Variants in GPLD1 observed in about 807,000 individuals in gnomAD.
GPLD1 encodes glycosylphosphatidylinositol specific phospholipase D1, also known as phosphatidylinositol-glycan-specific phospholipase D.
Under a neutral mutation model 112.6 loss-of-function variants are expected in GPLD1, and 84 were observed. The observed-to-expected ratio is 0.75, with a 90% CI of 0.63 to 0.89. The LOEUF (loss-of-function observed/expected upper bound fraction) is 0.89. Ranked by LOEUF, GPLD1 falls within the 40% of genes least tolerant of loss-of-function variation. The pLI is 0.00. For missense variants in GPLD1, 1,044 were observed against 1,051.5 expected, an observed-to-expected ratio of 0.99 and a Z score of 0.10; for synonymous variants, 386 against 403.8, an observed-to-expected ratio of 0.96 and a Z score of 0.53.
At chr6:24,486,833 C>CT (rs1764393141) in intron 1 of GPLD1, among the ~76,000 whole-genome samples, 2 of 151,544 alleles carry the variant, frequency 1.3e-5, no homozygotes, top group Non-Finnish European at 2.9e-5. Flanking sequence ...AAAAAAGAAA[C>CT]TGTCATCATA....
intron 10 of GPLD1, among the ~76,000 whole-genome samples, chr6:24,463,044 C>G (rs538951182): frequency 1.5e-3 from 228 of 152,296 alleles, no homozygotes; most frequent in African/African-American, 4.9e-3. Context: ...CTTCCCTCCC[C>G]GCTCCACCTG....
intron 14 of GPLD1, among the ~76,000 whole-genome samples, chr6:24,452,450 A>T (rs1484422907): frequency 6.6e-6 from 1 of 152,182 alleles, no homozygotes; most frequent in African/African-American, 2.4e-5. Context: ...AGCCTAAACT[A>T]GATCATAAAT....
intron 13 of GPLD1, 121 bp from the exon 14 acceptor site, chr6:24,454,322 G>A: frequency 3.4e-6 from 2 of 580,260 alleles, no homozygotes; most frequent in Non-Finnish European, 2.9e-6. Context: ...TTTCCACCCT[G>A]CGTGACTGTT....
intron 2 of GPLD1, among the ~76,000 whole-genome samples, chr6:24,485,265 T>C (rs1050064476): frequency 1.3e-5 from 2 of 152,188 alleles, no homozygotes; most frequent in African/African-American, 4.8e-5. Context: ...GGGCCAGGCA[T>C]AGTGGCTCAT....
chr6:24,452,867 G>C (rs1051384801), intron 14 of GPLD1, among the ~76,000 whole-genome samples: 2 of 151,862 alleles, frequency 1.3e-5, no homozygotes, highest in African/African-American at 4.8e-5. Flanking sequence ...GCCTTGCCTG[G>C]AACAAGAACC....
At chr6:24,432,710 AGAT>A (rs1373899391) in intron 24 of GPLD1, among the ~76,000 whole-genome samples, 12 of 152,258 alleles carry the variant, frequency 7.9e-5, no homozygotes, top group African/African-American at 2.9e-4. Context: ...GAGAACAGGC[AGAT>A]AATAATACTT....
chr6:24,485,201 G>C (rs7766290), intron 2 of GPLD1, among the ~76,000 whole-genome samples: 1 of 151,930 alleles, frequency 6.6e-6, no homozygotes, highest in Non-Finnish European at 1.5e-5. Flanking sequence ...ACAAGAAGTG[G>C]AAAATAAATG....
rs758391680 is a variant in GPLD1 at position 24,437,121 on chromosome 6, T to TA, written c.2188_2189insT (p.Asp730ValfsTer5). Reference sequence around the variant, plus strand: ...TCCTGTTCCTTTCTTACCTAAGCCATCATCATCCAGGTCACTCAAGTGCAG... The same window carrying TA: ...TCCTGTTCCTTTCTTACCTAAGCCATACATCATCCAGGTCACTCAAGTGCAG... On this transcript the variant is annotated frameshift_variant, in exon 21 of 25. Coordinates refer to ENST00000230036, the MANE Select transcript of GPLD1 (RefSeq NM_001503.4). LOFTEE classifies it high-confidence loss of function. 5 of 1,613,880 alleles carry TA rather than the reference T, an allele frequency of 3.1e-6. No homozygotes were observed. Among genetic ancestry groups the TA allele is most frequent in the Non-Finnish European group, 4.2e-6 (5 of 1,179,856 alleles).
At chr6:24,458,672 A>T (rs532497303) in intron 12 of GPLD1, among the ~76,000 whole-genome samples, 2 of 152,290 alleles carry the variant, frequency 1.3e-5, no homozygotes, top group East Asian at 3.9e-4. Context: ...TAAGGTCAGG[A>T]GTTCAAGACC....
At chr6:24,480,360 C>T (rs529739374) in intron 2 of GPLD1, among the ~76,000 whole-genome samples, 1 of 152,220 alleles carries the variant, frequency 6.6e-6, no homozygotes, top group East Asian at 1.9e-4. Flanking sequence ...TGGAGTTTTG[C>T]TCTTTTCACC....
intron 14 of GPLD1, among the ~76,000 whole-genome samples, chr6:24,451,978 A>C (rs867124682): frequency 1.3e-5 from 2 of 152,196 alleles, no homozygotes; most frequent in Non-Finnish European, 2.9e-5. Flanking sequence ...CAGAACTTTA[A>C]AGCAGGCCAG....
At chr6:24,486,879 C>G (rs984406822) in intron 1 of GPLD1, among the ~76,000 whole-genome samples, 2 of 151,840 alleles carry the variant, frequency 1.3e-5, no homozygotes, top group African/African-American at 4.8e-5. Flanking sequence ...AACCTAAGTA[C>G]AAAATACAAT....
chr6:24,492,483 G>A (rs1764581198), upstream of GPLD1, among the ~76,000 whole-genome samples: 1 of 138,298 alleles, frequency 7.2e-6, no homozygotes, highest in Non-Finnish European at 1.5e-5. Flanking sequence ...TCCAGCCTGG[G>A]CGACAGAGTA....
Position 24,428,993 on chromosome 6 carries a change from T to G in GPLD1, c.*39A>C. On this transcript the variant is annotated 3_prime_UTR_variant, in exon 25 of 25. Transcript: ENST00000230036. ...TGCTCACCATGGATGTGATTCAGCA[T>G]GAGAGAGGTGGGCAGAGTGGGGAAA... is the stretch of plus-strand genomic sequence containing the variant. 2.4e-4 allele frequency: 323 copies of G among 1,362,598 alleles called. No individual in the cohort carries two copies. Among genetic ancestry groups the G allele is most frequent in the Non-Finnish European group, 3.1e-4 (300 of 956,198 alleles). The allele number at this position is 1,362,598 out of a possible 1,614,324, so 84.4% of individuals were successfully genotyped here.
At chr6:24,444,733 G>A (rs138005235) in intron 20 of GPLD1, among the ~76,000 whole-genome samples, 5,074 of 152,072 alleles carry the variant, frequency 0.033, 82 homozygotes, top group Middle Eastern at 0.082. Context: ...GCCTGTAGTC[G>A]CAGCTACTCA....
rs72112585 is a variant in GPLD1, at chr6:24,427,845, C to CAAAA, written c.*1183_*1186dup. 5.5e-3 allele frequency among the ~76,000 whole-genome samples: 479 copies of CAAAA among 86,820 alleles called. 8 individuals are homozygous for CAAAA. Among genetic ancestry groups the CAAAA allele is most frequent in the South Asian group, 8.1e-3 (19 of 2,360 alleles). 57.0% of individuals were successfully genotyped at this position (86,820 alleles called of 152,430 possible). On this transcript the variant is annotated 3_prime_UTR_variant, in exon 25 of 25. Transcript: ENST00000230036. The stretch of plus-strand genomic sequence containing the variant: ...TGGGCAACAGAGCAAGACTCCGTCT[C>CAAAA]AAAAAAAAAAAAAAAAAAAAAGGAC...
chr6:24,476,091 G>A, intron 4 of GPLD1, 90 bp downstream of exon 4: 1 of 700,546 alleles, frequency 1.4e-6, no homozygotes, highest in Admixed American at 2.2e-5. Flanking sequence ...AGCCCTTACA[G>A]AGCGGTACAA....
intron 24 of GPLD1, among the ~76,000 whole-genome samples, chr6:24,432,458 G>A (rs1182541552): frequency 6.6e-6 from 1 of 151,954 alleles, no homozygotes; most frequent in African/African-American, 2.4e-5. Flanking sequence ...AAAAATAGCT[G>A]GGCCTGGTGG....
At position 24,482,428 on chromosome 6, in the gene GPLD1, C is replaced by T. The variant is rs189554971; in HGVS notation, c.154-2469G>A. Among the ~76,000 whole-genome samples the T allele has an allele frequency of 4.1e-3, 611 of 147,472 alleles. 3 individuals are homozygous for T. Among genetic ancestry groups the T allele is most frequent in the Non-Finnish European group, 7.5e-3 (506 of 67,188 alleles). ...CCTGAGTAGCTGGGATTACAGGCAC[C>T]GGTCACCACGCCCAGCTAATTTTTG... On this transcript the variant is annotated intron_variant, in intron 2 of 24. Coordinates refer to ENST00000230036, the MANE Select transcript of GPLD1 (RefSeq NM_001503.4).
Sources: gnomAD v4.1 joint callset for allele counts (sites outside exome capture counted in the v4.1 genomes callset) on GRCh38, gnomAD v4.1.1 for gene constraint, MANE v1.5 for transcripts, NCBI Gene and HGNC (gene_info 2026-07-23, HGNC 2026-07-21) for gene names.